The following UBQLN1 variants were observed in gnomAD, a reference collection of about 807,000 sequenced individuals.
UBQLN1 encodes ubiquilin-1.
Under a neutral mutation model 65.4 loss-of-function variants are expected in UBQLN1, and 13 were observed. The ratio of observed to expected loss-of-function variants is 0.20; its 90% CI spans 0.13 to 0.32. The LOEUF is 0.32. Among genes scored for constraint, UBQLN1 ranks in the 10% least tolerant of loss-of-function variants. The pLI is 1.00. For missense variants in UBQLN1, 561 were observed against 724.0 expected, an observed-to-expected ratio of 0.77 and a Z score of 2.58; for synonymous variants, 267 against 247.8, an observed-to-expected ratio of 1.08 and a Z score of -0.73.
At chr9:83,705,257 T>TTTTTTTTTTTTTTTTACG (rs1832381378) in intron 1 of UBQLN1, among the ~76,000 whole-genome samples, 1 of 150,204 alleles carries the variant, frequency 6.7e-6, no homozygotes. Context: ...TTTTTTTTTT[T>TTTTTTTTTTTTTTTTACG]GAAACGGAGT....
intron 7 of UBQLN1, chr9:83,668,772 T>C (rs911501746): frequency 1.1e-5 from 4 of 354,420 alleles, no homozygotes; most frequent in Non-Finnish European, 1.6e-5. Flanking sequence ...ACAACTGCCA[T>C]TCTGAGCATG....
chr9:83,677,517 G>C (rs149910049), intron 6 of UBQLN1, among the ~76,000 whole-genome samples: 1 of 152,148 alleles, frequency 6.6e-6, no homozygotes, highest in Non-Finnish European at 1.5e-5. Context: ...AGCTGAGATC[G>C]TGCCATTGTA....
At position 83,677,939 on chromosome 9, in the gene UBQLN1, G is replaced by A; in HGVS notation, c.893C>T (p.Ser298Phe). The A allele has an allele frequency of 6.2e-7, 1 of 1,612,704 alleles. No homozygotes were observed. Among genetic ancestry groups the A allele is most frequent in the Non-Finnish European group, 8.5e-7 (1 of 1,179,126 alleles). ...ACCAGAGGATGTATTGCTCACCAAG[G>A]AAGCAAATGGATTACCACCAAACTG... is the stretch of plus-strand genomic sequence containing the variant. The part of the protein sequence containing the change: ...QEQFGGNPFA[S>F]LVSNTSSGEG... Residue 298 changes from serine (S) to phenylalanine (F), a missense_variant, in exon 6 of 11, where the codon TCC becomes TTC. This residue lies in a region of UBQLN1 where 75 missense variants were observed against 138.9 expected (regional missense o/e 0.54). Coordinates refer to ENST00000376395, the MANE Select transcript of UBQLN1 (RefSeq NM_013438.5).
Position 83,679,762 on chromosome 9 carries a change from A to T in UBQLN1, c.711+13T>A. ...TTTTTTAGCTAAACGAACTGAAAGA[A>T]CTTTCCACATACTTGTCTCATTATA... is the stretch of plus-strand genomic sequence containing the variant. On this transcript the variant is annotated intron_variant, in intron 4 of 10. Coordinates refer to ENST00000376395, the MANE Select transcript of UBQLN1 (RefSeq NM_013438.5). 6.2e-7 allele frequency: 1 copy of T among 1,610,864 alleles called. No individual in the cohort carries two copies. The highest frequency in any genetic ancestry group is 1.3e-5 in the African/African-American group (1 of 74,948).
In UBQLN1 at chr9:83,660,436, A is replaced by ATT. The variant is rs879273066; in HGVS notation, c.*1350_*1351insAA. On this transcript the variant is annotated 3_prime_UTR_variant, in exon 11 of 11. Transcript: ENST00000376395. ...TCAATTATGTTTTAATTGGTCCTAAAGGAATGTACCACCCCAACAGTTTGG... is the reference window on the plus strand; with the variant it reads ...TCAATTATGTTTTAATTGGTCCTAAATTGGAATGTACCACCCCAACAGTTTGG... The ATT allele has an allele frequency of 5.2e-5, 8 of 152,658 alleles. No individual in the cohort carries two copies. The highest frequency in any genetic ancestry group is 1.0e-4 in the Non-Finnish European group (7 of 68,042). The allele number at this position is 152,658 out of a possible 1,614,324, so 9.5% of individuals were successfully genotyped here. A position where few individuals can be genotyped will look rare whatever the true frequency, so the allele number is the denominator to read the frequency against.
chr9:83,691,469 C>T (rs1832128266), intron 1 of UBQLN1, among the ~76,000 whole-genome samples: 1 of 152,168 alleles, frequency 6.6e-6, no homozygotes, highest in Non-Finnish European at 1.5e-5. Flanking sequence ...ACAGGAGTCT[C>T]CTAACCATGA....
At chr9:83,673,067 T>TAA (rs1456190629) in intron 6 of UBQLN1, among the ~76,000 whole-genome samples, 1 of 152,000 alleles carries the variant, frequency 6.6e-6, no homozygotes, top group Non-Finnish European at 1.5e-5. Flanking sequence ...CCGTCTCCAC[T>TAA]AAAGATACAA....
chr9:83,678,803 G>C lies in UBQLN1; in HGVS notation c.712-204C>G, dbSNP rs529430920. Among the ~76,000 whole-genome samples, 29 of 152,090 alleles carry C rather than the reference G, an allele frequency of 1.9e-4. 1 individual carries two copies. The South Asian group carries it at 5.6e-3, about 29-fold the overall frequency. On this transcript the variant is annotated intron_variant, in intron 4 of 10. Coordinates refer to ENST00000376395, the MANE Select transcript of UBQLN1 (RefSeq NM_013438.5). ...ATGATCTTGGTTCACTGCAAGCTCC[G>C]CCTCCCGGGTTCACACCCATTCTCC...
intron 2 of UBQLN1, 52 bp downstream of exon 2, chr9:83,685,952 A>G: frequency 6.7e-7 from 1 of 1,491,590 alleles, no homozygotes; most frequent in Non-Finnish European, 9.0e-7. Flanking sequence ...TACTTTTAGA[A>G]GTACGAACAT....
At chr9:83,683,999 T>TGACAG (rs1287220930) in intron 2 of UBQLN1, among the ~76,000 whole-genome samples, 1 of 151,544 alleles carries the variant, frequency 6.6e-6, no homozygotes, top group Non-Finnish European at 1.5e-5. Context: ...CCAGCCTGGG[T>TGACAG]GACAGAGAGA....
At chr9:83,694,107 G>T (rs993146179) in intron 1 of UBQLN1, among the ~76,000 whole-genome samples, 1 of 152,156 alleles carries the variant, frequency 6.6e-6, no homozygotes, top group Admixed American at 6.5e-5. Flanking sequence ...ATCCAAACTT[G>T]CTTTTAAACA....
At chr9:83,685,112 T>C (rs950372516) in intron 2 of UBQLN1, among the ~76,000 whole-genome samples, 3 of 152,036 alleles carry the variant, frequency 2.0e-5, no homozygotes, top group Non-Finnish European at 4.4e-5. Flanking sequence ...TAATTGGCAC[T>C]GACAGAAGTT....
In UBQLN1 at chr9:83,707,684, G is replaced by C; in HGVS notation, c.-5C>G. The stretch of plus-strand genomic sequence containing the variant: ...GCTTTCACCACTCTCGGCCATGGCT[G>C]TGGCGGCGGCGGCGGCGGTGACTCA... On this transcript the variant is annotated 5_prime_UTR_variant, in exon 1 of 11. Transcript: ENST00000376395. 9 of 1,534,292 alleles carry C rather than the reference G, an allele frequency of 5.9e-6. No individual in the cohort carries two copies. The highest frequency in any genetic ancestry group is 7.9e-6 in the Non-Finnish European group (9 of 1,145,116).
chr9:83,662,370 A>AGCTG (rs1274851050), intron 10 of UBQLN1, among the ~76,000 whole-genome samples: 1 of 152,018 alleles, frequency 6.6e-6, no homozygotes, highest in Non-Finnish European at 1.5e-5. Flanking sequence ...TAACTATAAA[A>AGCTG]GCTGGTATCC....
At chr9:83,678,914 G>T (rs997799401) in intron 4 of UBQLN1, among the ~76,000 whole-genome samples, 2 of 152,062 alleles carry the variant, frequency 1.3e-5, no homozygotes, top group Non-Finnish European at 2.9e-5. Context: ...GTAGAGACGG[G>T]GTTTCACCGT....
At chr9:83,685,976 T>G (rs1404865999) in intron 2 of UBQLN1, 28 bp downstream of exon 2, 3 of 1,572,280 alleles carry the variant, frequency 1.9e-6, no homozygotes, top group Non-Finnish European at 1.7e-6. Context: ...TCCACAATTT[T>G]AAAGCTGTAC....
In UBQLN1 at chr9:83,661,552, A is replaced by C; in HGVS notation, c.*235T>G. 1 of 371,746 alleles carries C rather than the reference A, an allele frequency of 2.7e-6. No homozygotes were observed. The highest frequency in any genetic ancestry group is 4.7e-6 in the Non-Finnish European group (1 of 212,128). The allele number at this position is 371,746 out of a possible 1,614,324, so 23.0% of individuals were successfully genotyped here. The stretch of plus-strand genomic sequence containing the variant: ...ACTATAAAAGGTGATGTTTTTAAAA[A>C]ATTACAATAAATGCAGAAGTGATGC... On this transcript the variant is annotated 3_prime_UTR_variant, in exon 11 of 11. Transcript: ENST00000376395.
At chr9:83,698,003 C>T (rs1253781295) in intron 1 of UBQLN1, among the ~76,000 whole-genome samples, 1 of 151,958 alleles carries the variant, frequency 6.6e-6, no homozygotes, top group Non-Finnish European at 1.5e-5. Flanking sequence ...CCCAGAGTGC[C>T]GGGATTAGCA....
At chr9:83,667,875 T>C (rs940452806) in intron 7 of UBQLN1, 18 of 976,210 alleles carry the variant, frequency 1.8e-5, no homozygotes, top group Non-Finnish European at 2.2e-5. Flanking sequence ...CTAAATTATC[T>C]GTAATAAAAG....
Sources: gnomAD v4.1 joint callset for allele counts (sites outside exome capture counted in the v4.1 genomes callset) on GRCh38, gnomAD v4.1.1 for gene constraint, gnomAD v4.1.1 regional missense constraint, MANE v1.5 for transcripts, NCBI Gene and HGNC (gene_info 2026-07-23, HGNC 2026-07-21) for gene names.